The following PRDM16 variants were observed in gnomAD, a reference collection of about 807,000 sequenced individuals.
PRDM16 encodes the protein PR/SET domain 16, also known as histone-lysine N-methyltransferase PRDM16.
In PRDM16, 23 loss-of-function variants were observed where a neutral mutation model predicts 110.6. That is an observed-to-expected ratio of 0.21 (90% CI 0.15 to 0.29). PRDM16 has a LOEUF of 0.29. Among genes scored for constraint, PRDM16 ranks in the 10% least tolerant of loss-of-function variants. The pLI, the probability that PRDM16 is intolerant of heterozygous loss-of-function variation, is 1.00. For synonymous variants in PRDM16, 799 were observed against 781.8 expected, an observed-to-expected ratio of 1.02 and a Z score of -0.37; for missense variants, 1,615 against 1,794.3, an observed-to-expected ratio of 0.90 and a Z score of 1.81.
At chr1:3,323,404 G>T (rs1641807658) in intron 3 of PRDM16, among the ~76,000 whole-genome samples, 1 of 152,258 alleles carries the variant, frequency 6.6e-6, no homozygotes, top group African/African-American at 2.4e-5. Flanking sequence ...GCCGCCAGAA[G>T]CGATGAGCGG....
rs558496713 is a variant in PRDM16, at chr1:3,245,841, G to A, written c.438+1704G>A. On this transcript the variant is annotated intron_variant, in intron 3 of 16. Transcript: ENST00000270722. This position sits in a 1 kb window ranked among gnomAD's most constrained non-coding sequence, Gnocchi z 4.7. ...ACAAAAAGTGACCTGCAGTTAGTGC[G>A]AATCCCTCAAGTTCTCGAGGGAGCC... Among the ~76,000 whole-genome samples, 26 of 152,260 alleles carry A rather than the reference G, an allele frequency of 1.7e-4. No homozygotes were observed. The highest frequency in any genetic ancestry group is 4.6e-4 in the African/African-American group (19 of 41,540).
At chr1:3,294,881 C>T (rs1039654424) in intron 3 of PRDM16, among the ~76,000 whole-genome samples, 12 of 152,346 alleles carry the variant, frequency 7.9e-5, no homozygotes, top group East Asian at 3.9e-4. Flanking sequence ...ACCAACCCCA[C>T]GTGCCTTAAG....
In PRDM16 at chr1:3,382,440, C is replaced by T. The variant is rs893619332; in HGVS notation, c.439-2712C>T. On this transcript the variant is annotated intron_variant, in intron 3 of 16. Coordinates refer to ENST00000270722, the MANE Select transcript of PRDM16 (RefSeq NM_022114.4). This position sits in a 1 kb window ranked among gnomAD's most constrained non-coding sequence, Gnocchi z 6.6. Reference sequence around the variant, plus strand: ...AGGACCTCAAATGTCAAGGGATTTGCAGTCCTGCCTGGGGCACAGCTGTGT... The same window carrying T: ...AGGACCTCAAATGTCAAGGGATTTGTAGTCCTGCCTGGGGCACAGCTGTGT... 1.3e-5 allele frequency among the ~76,000 whole-genome samples: 2 copies of T among 152,190 alleles called. No individual in the cohort carries two copies. The highest frequency in any genetic ancestry group is 4.8e-5 in the African/African-American group (2 of 41,446).
chr1:3,378,112 G>A (rs556323166), intron 3 of PRDM16, among the ~76,000 whole-genome samples: 6 of 152,226 alleles, frequency 3.9e-5, no homozygotes, highest in Non-Finnish European at 7.4e-5. Context: ...GATCCTTGGC[G>A]CTGTCCCCAC....
At chr1:3,322,558 C>G (rs1485826525) in intron 3 of PRDM16, among the ~76,000 whole-genome samples, 1 of 152,084 alleles carries the variant, frequency 6.6e-6, no homozygotes, top group Non-Finnish European at 1.5e-5. Flanking sequence ...GAGAGGCCAC[C>G]ACTGTCTCAG....
At position 3,186,170 on chromosome 1, in the gene PRDM16, T is replaced by A. The variant is rs1169589214; in HGVS notation, c.83T>A (p.Leu28Gln). 3 of 1,612,884 alleles carry A rather than the reference T, an allele frequency of 1.9e-6. No individual in the cohort carries two copies. Among genetic ancestry groups the A allele is most frequent in the Non-Finnish European group, 2.5e-6 (3 of 1,179,958 alleles). The change falls in exon 2 of 17, where the codon CTG becomes CAG. Residue 28 changes from leucine (L) to glutamine (Q), a missense_variant. Around this residue, in one of 5 missense-constraint regions of PRDM16, gnomAD observed 416 missense variants for 467.1 expected, o/e 0.89. Coordinates refer to ENST00000270722, the MANE Select transcript of PRDM16 (RefSeq NM_022114.4). The part of the protein sequence containing the change: ...VNNMYEPNRD[L>Q]LASHSAEDEA... ...AATATGTATGAGCCCAACCGGGACC[T>A]GCTGGCCAGCCACAGCGCGGAGGAC...
At position 3,181,511 on chromosome 1, in the gene PRDM16, C is replaced by T. The variant is rs115133436; in HGVS notation, c.38-4614C>T. 1.7e-4 allele frequency among the ~76,000 whole-genome samples: 8 copies of T among 46,878 alleles called. 2 individuals are homozygous for T. Among genetic ancestry groups the T allele is most frequent in the African/African-American group, 4.2e-4 (8 of 19,004 alleles). The allele number at this position is 46,878 out of a possible 152,430, so 30.8% of individuals were successfully genotyped here. Reference sequence around the variant, plus strand: ...ACAGCCTTACGCATGGTCTTACACACGCAGTCTTACACAAGCGGTCTTACA... The same window carrying T: ...ACAGCCTTACGCATGGTCTTACACATGCAGTCTTACACAAGCGGTCTTACA... On this transcript the variant is annotated intron_variant, in intron 1 of 16. Transcript: ENST00000270722.
intron 1 of PRDM16, among the ~76,000 whole-genome samples, chr1:3,145,261 C>A (rs895353624): frequency 2.0e-5 from 3 of 152,248 alleles, no homozygotes; most frequent in East Asian, 3.9e-4. Context: ...GCATGCGGCA[C>A]GGTGTCAGTT....
intron 1 of PRDM16, among the ~76,000 whole-genome samples, chr1:3,079,379 C>A (rs1049497085): frequency 7.0e-6 from 1 of 142,942 alleles, no homozygotes; most frequent in African/African-American, 2.5e-5. Context: ...CCTGCTGGCC[C>A]AGCCCCTGTG....
chr1:3,260,153 C>G (rs1019150479), intron 3 of PRDM16, among the ~76,000 whole-genome samples: 2 of 152,194 alleles, frequency 1.3e-5, no homozygotes, highest in Non-Finnish European at 2.9e-5. Flanking sequence ...TGTGTGAACC[C>G]AAGCAACTAC....
chr1:3,134,081 T>G (rs1439209016), intron 1 of PRDM16, among the ~76,000 whole-genome samples: 1 of 152,138 alleles, frequency 6.6e-6, no homozygotes, highest in Non-Finnish European at 1.5e-5. Flanking sequence ...GTGGGAGACC[T>G]GGGTTCAGAA....
In PRDM16 at chr1:3,069,741, C is replaced by G. The variant is rs1322878894; in HGVS notation, c.37+445C>G. Reference sequence around the variant, plus strand: ...CTCTCTCTCCGAGTGGCTCTCAGTCCTGGTCAAATCATATTCCGGGCTTTT... The same window carrying G: ...CTCTCTCTCCGAGTGGCTCTCAGTCGTGGTCAAATCATATTCCGGGCTTTT... On this transcript the variant is annotated intron_variant, in intron 1 of 16. Coordinates refer to ENST00000270722, the MANE Select transcript of PRDM16 (RefSeq NM_022114.4). The surrounding 1 kb of genome is among the most constrained non-coding windows in gnomAD (Gnocchi z 6.1). 1.3e-5 allele frequency among the ~76,000 whole-genome samples: 2 copies of G among 152,072 alleles called. No individual in the cohort carries two copies. Among genetic ancestry groups the G allele is most frequent in the African/African-American group, 4.8e-5 (2 of 41,436 alleles).
intron 1 of PRDM16, among the ~76,000 whole-genome samples, chr1:3,126,975 C>T (rs1438408099): frequency 1.3e-5 from 2 of 152,180 alleles, no homozygotes; most frequent in African/African-American, 4.8e-5. Flanking sequence ...CAGGGCAGGA[C>T]CACCATCGGC....
chr1:3,422,409 C>A (rs577420459), intron 12 of PRDM16, among the ~76,000 whole-genome samples: 2 of 152,316 alleles, frequency 1.3e-5, no homozygotes, highest in African/African-American at 4.8e-5. Flanking sequence ...ACAGATTGGG[C>A]TGCCTCAACA....
intron 1 of PRDM16, among the ~76,000 whole-genome samples, chr1:3,181,154 TCTTACACGCGGTCTTAC>T: frequency 7.5e-6 from 1 of 132,676 alleles, no homozygotes; most frequent in East Asian, 3.1e-4. Context: ...ACACACGCAG[TCTTACACGCGGTCTTAC>T]GGTCTTACAC....
chr1:3,122,404 A>C (rs1435503885), intron 1 of PRDM16, among the ~76,000 whole-genome samples: 1 of 152,090 alleles, frequency 6.6e-6, no homozygotes, highest in East Asian at 1.9e-4. Flanking sequence ...GTCTCTGCAA[A>C]TCCCATCAGA....
At chr1:3,141,623 G>C (rs1302202533) in intron 1 of PRDM16, among the ~76,000 whole-genome samples, 1 of 152,252 alleles carries the variant, frequency 6.6e-6, no homozygotes, top group African/African-American at 2.4e-5. Flanking sequence ...GAAAGCCCAG[G>C]GCGGGCCACA....
intron 2 of PRDM16, among the ~76,000 whole-genome samples, chr1:3,210,446 A>G (rs1428268878): frequency 6.6e-6 from 1 of 152,390 alleles, no homozygotes; most frequent in East Asian, 1.9e-4. Flanking sequence ...AGCTGCAGAC[A>G]GCCCTGCCCA....
intron 1 of PRDM16, among the ~76,000 whole-genome samples, chr1:3,150,871 G>A (rs868717747): frequency 7.2e-5 from 10 of 139,838 alleles, no homozygotes; most frequent in Admixed American, 7.0e-5. Flanking sequence ...GGGTGGGGGC[G>A]GGGGGGCTGG....
Sources: allele counts gnomAD v4.1 joint callset (sites outside exome capture counted in the v4.1 genomes callset), GRCh38; gene constraint gnomAD v4.1.1; regional missense constraint gnomAD v4.1.1; non-coding constraint Gnocchi (gnomAD v3.1); transcripts MANE v1.5; gene names NCBI Gene and HGNC (gene_info 2026-07-23, HGNC 2026-07-21).